The following SLC6A11 variants were observed in gnomAD, a reference collection of about 807,000 sequenced individuals.
SLC6A11 encodes sodium- and chloride-dependent GABA transporter 3.
In SLC6A11, 25 loss-of-function variants were observed where a neutral mutation model predicts 74.8. That is an observed-to-expected ratio of 0.33 (90% confidence interval 0.24 to 0.47). The LOEUF is 0.47. Ranked by LOEUF, SLC6A11 falls within the 20% of genes least tolerant of loss-of-function variation. The probability of loss-of-function intolerance (pLI) is 1.00; values close to 1 mark genes in which losing one functional copy is unlikely to be tolerated. For synonymous variants in SLC6A11, 330 were observed against 330.2 expected (o/e 1.00, Z 0.01); for missense variants, 574 against 837.0 (o/e 0.69, Z 3.88).
At chr3:10,861,532 C>CA (rs900686393) in intron 5 of SLC6A11, among the ~76,000 whole-genome samples, 11 of 150,456 alleles carry the variant, frequency 7.3e-5, no homozygotes, top group African/African-American at 1.7e-4. Context: ...CAAAAACAAA[C>CA]AAAAAAAAGC....
At chr3:10,822,491 G>C (rs1694151607) in intron 3 of SLC6A11, among the ~76,000 whole-genome samples, 1 of 152,176 alleles carries the variant, frequency 6.6e-6, no homozygotes, top group African/African-American at 2.4e-5. Flanking sequence ...GGGGTCCCTT[G>C]ACTGTTTCTG....
intron 6 of SLC6A11, among the ~76,000 whole-genome samples, chr3:10,896,943 G>T (rs890526779): frequency 6.6e-6 from 1 of 152,192 alleles, no homozygotes; most frequent in Non-Finnish European, 1.5e-5. Flanking sequence ...AAAGAAAGAG[G>T]TTTATTGGTC....
At chr3:10,886,307 A>G (rs1221771447) in intron 6 of SLC6A11, among the ~76,000 whole-genome samples, 1 of 152,200 alleles carries the variant, frequency 6.6e-6, no homozygotes, top group Non-Finnish European at 1.5e-5. Context: ...ATTCAAATCA[A>G]GACTGCTCCC....
At chr3:10,854,392 A>AAAAT (rs35119727) in intron 5 of SLC6A11, among the ~76,000 whole-genome samples, 4,744 of 152,150 alleles carry the variant, frequency 0.031, 114 homozygotes, top group East Asian at 0.12. Flanking sequence ...TCCATCTCAA[A>AAAAT]AAATAAATAA....
intron 6 of SLC6A11, among the ~76,000 whole-genome samples, chr3:10,905,660 G>T (rs1695293436): frequency 6.6e-6 from 1 of 152,200 alleles, no homozygotes; most frequent in South Asian, 2.1e-4. Context: ...GACATTTGGA[G>T]CCATGTTGCA....
chr3:10,934,185 G>A lies in SLC6A11; in HGVS notation c.1575+19G>A. ...CTGCGCGGTAAGGGCCCCACCAGGA[G>A]CCACCTCCAGCCATCTACCCACCCA... On this transcript the variant is annotated intron_variant, in intron 12 of 13. Coordinates refer to ENST00000254488, the MANE Select transcript of SLC6A11 (RefSeq NM_014229.3). The A allele has an allele frequency of 1.3e-6, 2 of 1,511,946 alleles. No individual in the cohort carries two copies. The highest frequency in any genetic ancestry group is 1.7e-5 in the Admixed American group (1 of 59,820). The allele number at this position is 1,511,946 out of a possible 1,614,324, so 93.7% of individuals were successfully genotyped here.
chr3:10,902,342 C>G (rs1484154891), intron 6 of SLC6A11, among the ~76,000 whole-genome samples: 2 of 152,202 alleles, frequency 1.3e-5, no homozygotes, highest in African/African-American at 4.8e-5. Context: ...GCTGGTAGCC[C>G]TAAGAGGCAT....
chr3:10,843,048 G>T (rs750535237), intron 4 of SLC6A11, among the ~76,000 whole-genome samples: 19 of 152,164 alleles, frequency 1.2e-4, no homozygotes, highest in Non-Finnish European at 2.6e-4. Flanking sequence ...GTCTGATGGG[G>T]GTTGGTTTGG....
chr3:10,925,258 C>A (rs1695587968), intron 8 of SLC6A11, among the ~76,000 whole-genome samples: 1 of 152,168 alleles, frequency 6.6e-6, no homozygotes, highest in Non-Finnish European at 1.5e-5. Context: ...AAGCATTTAC[C>A]TGCTTCAGTG....
chr3:10,885,881 C>T (rs1695036584), intron 6 of SLC6A11, among the ~76,000 whole-genome samples: 1 of 152,218 alleles, frequency 6.6e-6, no homozygotes, highest in Admixed American at 6.5e-5. Context: ...TCCCACCTAG[C>T]CAGCCCAGCC....
At position 10,918,563 on chromosome 3, in the gene SLC6A11, C is replaced by T. The variant is rs775334809; in HGVS notation, c.1120+110C>T. 3.0e-6 allele frequency: 4 copies of T among 1,312,156 alleles called. No individual in the cohort carries two copies. Among genetic ancestry groups the T allele is most frequent in the Non-Finnish European group, 3.1e-6 (3 of 978,724 alleles). 81.3% of individuals were successfully genotyped at this position (1,312,156 alleles called of 1,614,324 possible). On this transcript the variant is annotated intron_variant, in intron 8 of 13. Coordinates refer to ENST00000254488, the MANE Select transcript of SLC6A11 (RefSeq NM_014229.3). This position sits in a 1 kb window ranked among gnomAD's most constrained non-coding sequence, Gnocchi z 4.5. The stretch of plus-strand genomic sequence containing the variant: ...GGCTCACACATCTCCTGGATTCAGG[C>T]CTCAGAAAGGGGCCCCACCATTCAT...
chr3:10,904,506 G>T (rs567026887), intron 6 of SLC6A11, among the ~76,000 whole-genome samples: 1 of 152,334 alleles, frequency 6.6e-6, no homozygotes, highest in African/African-American at 2.4e-5. Context: ...AACATGGGGA[G>T]TGATCCCTTT....
At chr3:10,835,966 A>T (rs1694361601) in intron 4 of SLC6A11, among the ~76,000 whole-genome samples, 1 of 152,244 alleles carries the variant, frequency 6.6e-6, no homozygotes, top group East Asian at 1.9e-4. Flanking sequence ...TCACCACAAT[A>T]TAAGTTTAGA....
At chr3:10,884,769 T>C (rs1695023070) in intron 6 of SLC6A11, among the ~76,000 whole-genome samples, 1 of 152,214 alleles carries the variant, frequency 6.6e-6, no homozygotes, top group South Asian at 2.1e-4. Flanking sequence ...ATCTTCTCTG[T>C]GGTAACCTTG....
chr3:10,905,292 G>A (rs886995612), intron 6 of SLC6A11, among the ~76,000 whole-genome samples: 1 of 152,234 alleles, frequency 6.6e-6, no homozygotes, highest in Admixed American at 6.5e-5. Context: ...TCACTTGGGT[G>A]TGGCCAATGA....
rs1362968783 is a variant in SLC6A11, at chr3:10,938,519, TTAAC to T, written c.*118_*121del. 9.0e-7 allele frequency: 1 copy of T among 1,116,444 alleles called. No homozygotes were observed. Among genetic ancestry groups the T allele is most frequent in the African/African-American group, 1.6e-5 (1 of 63,986 alleles). The allele number at this position is 1,116,444 out of a possible 1,614,324, so 69.2% of individuals were successfully genotyped here. On this transcript the variant is annotated 3_prime_UTR_variant, in exon 14 of 14. Transcript: ENST00000254488. ...GCTTGCTTGTTTTGCACAGGATTAA[TTAAC>T]AAGTTAATTTTAAGGTGGCCACTGT...
At chr3:10,892,455 G>A (rs1695117775) in intron 6 of SLC6A11, among the ~76,000 whole-genome samples, 1 of 152,112 alleles carries the variant, frequency 6.6e-6, no homozygotes, top group Non-Finnish European at 1.5e-5. Context: ...GAAACTCCCA[G>A]GCTAAGAATC....
At chr3:10,882,920 G>A (rs919085752) in intron 6 of SLC6A11, among the ~76,000 whole-genome samples, 4 of 152,246 alleles carry the variant, frequency 2.6e-5, no homozygotes, top group South Asian at 2.1e-4. Context: ...GCACCTCCAC[G>A]TTTCCCTTCT....
chr3:10,825,687 G>T (rs1392706272), intron 4 of SLC6A11, among the ~76,000 whole-genome samples: 2 of 152,062 alleles, frequency 1.3e-5, no homozygotes, highest in South Asian at 2.1e-4. Context: ...TCATATTTAG[G>T]AATATAATCC....
Sources: allele counts gnomAD v4.1 joint callset (sites outside exome capture counted in the v4.1 genomes callset), GRCh38; gene constraint gnomAD v4.1.1; non-coding constraint Gnocchi (gnomAD v3.1); transcripts MANE v1.5; gene names NCBI Gene and HGNC (gene_info 2026-07-23, HGNC 2026-07-21).